KCNG2: variants seen among roughly 807,000 people sequenced by gnomAD.
KCNG2 encodes the protein voltage-gated potassium channel regulatory subunit KCNG2.
KCNG2 carries 7 observed loss-of-function variants against 12.3 expected under a neutral mutation model. That is an observed-to-expected ratio of 0.57 (90% CI 0.32 to 1.07). KCNG2 has a LOEUF of 1.07. Among genes scored for constraint, KCNG2 ranks in the 50% least tolerant of loss-of-function variants. The pLI, the probability that KCNG2 is intolerant of heterozygous loss-of-function variation, is 0.04. For synonymous variants in KCNG2, 414 were observed against 351.4 expected (o/e 1.18, Z -1.99); for missense variants, 703 against 726.0 (o/e 0.97, Z 0.36).
intron 3 of KCNG2, among the ~76,000 whole-genome samples, chr18:79,882,881 C>T (rs71361468): frequency 4.8e-5 from 7 of 146,754 alleles, no homozygotes; most frequent in African/African-American, 1.1e-4. Context: ...GCGCGTGGAG[C>T]GCGGAGGCCG....
intron 1 of KCNG2, among the ~76,000 whole-genome samples, chr18:79,821,515 C>T (rs1033875074): frequency 4.6e-5 from 7 of 152,104 alleles, no homozygotes; most frequent in Admixed American, 2.0e-4. Context: ...GTCTCAAACT[C>T]CTGACCTCAG....
At chr18:79,847,606 C>A (rs1978669173) in intron 1 of KCNG2, among the ~76,000 whole-genome samples, 1 of 152,248 alleles carries the variant, frequency 6.6e-6, no homozygotes, top group Non-Finnish European at 1.5e-5. Flanking sequence ...TAAGCATGTA[C>A]AGAGATTCTA....
At chr18:79,798,784 C>T (rs748177388) in intron 1 of KCNG2, among the ~76,000 whole-genome samples, 9 of 152,232 alleles carry the variant, frequency 5.9e-5, no homozygotes, top group Admixed American at 1.3e-4. Context: ...AGGGTCCCTC[C>T]TGCGGGGCTC....
intron 1 of KCNG2, among the ~76,000 whole-genome samples, chr18:79,835,643 A>G (rs1978319741): frequency 6.6e-6 from 1 of 152,242 alleles, no homozygotes; most frequent in South Asian, 2.1e-4. Flanking sequence ...AAATGTGAGT[A>G]AATGCAATAG....
chr18:79,873,159 T>G (rs1189447878), intron 3 of KCNG2, among the ~76,000 whole-genome samples: 1 of 151,966 alleles, frequency 6.6e-6, no homozygotes. Context: ...GAATGAGAGT[T>G]CTTGCTTTGG....
chr18:79,875,298 C>A (rs929231971), intron 3 of KCNG2, among the ~76,000 whole-genome samples: 1 of 152,144 alleles, frequency 6.6e-6, no homozygotes, highest in Non-Finnish European at 1.5e-5. Flanking sequence ...TCTGAACAGG[C>A]GGTCCTGGGG....
At chr18:79,880,914 A>C (rs994605066) in intron 3 of KCNG2, among the ~76,000 whole-genome samples, 13 of 152,258 alleles carry the variant, frequency 8.5e-5, no homozygotes, top group Non-Finnish European at 1.5e-5. Flanking sequence ...ATGATTTTTA[A>C]AACAGCACTT....
At chr18:79,863,199 C>T (rs925887567) in intron 2 of KCNG2, among the ~76,000 whole-genome samples, 11 of 152,248 alleles carry the variant, frequency 7.2e-5, no homozygotes, top group African/African-American at 2.7e-4. Flanking sequence ...CTGATTCTGA[C>T]GTGGCTGGTC....
At chr18:79,824,014 AATTTTT>A (rs765527978) in intron 1 of KCNG2, among the ~76,000 whole-genome samples, 11 of 152,108 alleles carry the variant, frequency 7.2e-5, no homozygotes, top group Non-Finnish European at 1.6e-4. Flanking sequence ...AATTTAATTT[AATTTTT>A]GAGACAAGAT....
intron 1 of KCNG2, among the ~76,000 whole-genome samples, chr18:79,848,168 C>T (rs183143707): frequency 2.0e-5 from 3 of 152,302 alleles, no homozygotes; most frequent in African/African-American, 7.2e-5. Context: ...TGAACGCCAA[C>T]CTCATCTGTC....
chr18:79,891,342 C>T (rs984288270), intron 3 of KCNG2, among the ~76,000 whole-genome samples: 1 of 152,078 alleles, frequency 6.6e-6, no homozygotes, highest in African/African-American at 2.4e-5. Context: ...GGGATCCTCC[C>T]ATCTCAGCCC....
rs746226223 is a variant in KCNG2 at position 79,899,662 on chromosome 18, A to G, written c.1247A>G (p.Lys416Arg). ...HTFSRSYSEL[K>R]EQQQRAASPE... ...TTTTCGCGCTCCTACTCCGAGCTCA[A>G]GGAGCAGCAGCAGCGCGCGGCCAGC... The change falls in exon 4 of 4, where the codon AAG becomes AGG. Residue 416 changes from lysine to arginine, a missense_variant. Lys to Arg is a conservative substitution (Grantham distance 26). Transcript: ENST00000316249. 1.8e-5 allele frequency: 29 copies of G among 1,607,418 alleles called. No individual in the cohort carries two copies. The highest frequency in any genetic ancestry group is 1.7e-4 in the Middle Eastern group (1 of 6,042).
chr18:79,896,686 G>A (rs185636858), intron 3 of KCNG2, among the ~76,000 whole-genome samples: 1 of 152,098 alleles, frequency 6.6e-6, no homozygotes, highest in African/African-American at 2.4e-5. Flanking sequence ...AACACTTTTT[G>A]TGTCGATCCA....
At chr18:79,881,044 C>T (rs1279908344) in intron 3 of KCNG2, among the ~76,000 whole-genome samples, 1 of 152,154 alleles carries the variant, frequency 6.6e-6, no homozygotes, top group African/African-American at 2.4e-5. Context: ...AAGATTGGGA[C>T]CAACCCAAGG....
At chr18:79,857,734 G>A (rs527945415) in intron 2 of KCNG2, among the ~76,000 whole-genome samples, 24 of 151,976 alleles carry the variant, frequency 1.6e-4, no homozygotes, top group Admixed American at 2.6e-4. Context: ...GGATCCCCCC[G>A]AGACCTACTC....
At chr18:79,895,403 GTCT>G (rs1226224059) in intron 3 of KCNG2, among the ~76,000 whole-genome samples, 3 of 151,440 alleles carry the variant, frequency 2.0e-5, no homozygotes, top group Non-Finnish European at 4.4e-5. Flanking sequence ...TTGGGTCTGT[GTCT>G]TCTTTTGATT....
At chr18:79,888,409 GTCCTCCTCATGAGGCC>G (rs1980616335) in intron 3 of KCNG2, among the ~76,000 whole-genome samples, 4 of 150,732 alleles carry the variant, frequency 2.7e-5, no homozygotes, top group Admixed American at 6.6e-5. Context: ...GGACGGCGGC[GTCCTCCTCATGAGGCC>G]GCGGTGGGGC....
chr18:79,826,604 G>A (rs1978286277), intron 1 of KCNG2, among the ~76,000 whole-genome samples: 2 of 140,132 alleles, frequency 1.4e-5, no homozygotes, highest in Non-Finnish European at 3.0e-5. Flanking sequence ...TACGTTCAGT[G>A]AAAACTGAGT....
intron 1 of KCNG2, among the ~76,000 whole-genome samples, chr18:79,814,314 T>C (rs2087512832): frequency 6.6e-6 from 1 of 152,210 alleles, no homozygotes; most frequent in African/African-American, 2.4e-5. Flanking sequence ...TTCATAATGT[T>C]ATTACTAACA....
Sources: gnomAD v4.1 joint callset for allele counts (sites outside exome capture counted in the v4.1 genomes callset) on GRCh38, gnomAD v4.1.1 for gene constraint, MANE v1.5 for transcripts, NCBI Gene and HGNC (gene_info 2026-07-23, HGNC 2026-07-21) for gene names.